The following AGBL1 variants were observed in gnomAD, a reference collection of about 807,000 sequenced individuals.
The protein encoded by AGBL1 is AGBL carboxypeptidase 1, also known as cytosolic carboxypeptidase 4.
Under a neutral mutation model 118.9 loss-of-function variants are expected in AGBL1, and 130 were observed. That is an observed-to-expected ratio of 1.09 (90% CI 0.95 to 1.26). The LOEUF is 1.26. Among genes scored for constraint, AGBL1 ranks in the 50% most tolerant of loss-of-function variants. The pLI, the probability that AGBL1 is intolerant of heterozygous loss-of-function variation, is 0.00. For synonymous variants in AGBL1, 555 were observed against 478.9 expected (o/e 1.16, Z -2.08); for missense variants, 1,584 against 1,298.1 (o/e 1.22, Z -3.38).
At chr15:86,311,476 T>C (rs1360032714) in intron 17 of AGBL1, among the ~76,000 whole-genome samples, 1 of 152,250 alleles carries the variant, frequency 6.6e-6, no homozygotes, top group Non-Finnish European at 1.5e-5. Context: ...CTGAAAAGAA[T>C]ACGCTTTCTT....
At chr15:86,703,331 T>A (rs2086392535) in intron 22 of AGBL1, among the ~76,000 whole-genome samples, 1 of 152,174 alleles carries the variant, frequency 6.6e-6, no homozygotes, top group South Asian at 2.1e-4. Context: ...GAGCTTGGAC[T>A]CTGGAGCCAT....
intron 21 of AGBL1, among the ~76,000 whole-genome samples, chr15:86,651,816 G>C: frequency 6.6e-6 from 1 of 152,130 alleles, no homozygotes; most frequent in South Asian, 2.1e-4. Context: ...CTGAATGTCT[G>C]ACAAAGTATT....
At chr15:86,136,911 C>T (rs988743047) in intron 1 of AGBL1, among the ~76,000 whole-genome samples, 12 of 152,266 alleles carry the variant, frequency 7.9e-5, no homozygotes, top group Middle Eastern at 6.8e-3. Flanking sequence ...CTCCAACTCC[C>T]TGAGTCTCCC....
intron 3 of AGBL1, among the ~76,000 whole-genome samples, chr15:86,147,028 A>G (rs1238802874): frequency 6.6e-6 from 1 of 152,180 alleles, no homozygotes; most frequent in Non-Finnish European, 1.5e-5. Context: ...GAAAATAAGT[A>G]TTTCTTTTTT....
intron 22 of AGBL1, among the ~76,000 whole-genome samples, chr15:86,868,069 T>C (rs765976362): frequency 3.9e-5 from 6 of 152,164 alleles, no homozygotes; most frequent in Non-Finnish European, 8.8e-5. Flanking sequence ...AAATAAGGAA[T>C]TATCAATGTG....
chr15:86,339,718 C>T (rs28819512), intron 17 of AGBL1, among the ~76,000 whole-genome samples: 5,155 of 152,204 alleles, frequency 0.034, 288 homozygotes, highest in African/African-American at 0.12. Context: ...CCTGTAATCC[C>T]AGCACTTTGG....
At chr15:86,547,639 C>T (rs1331774311) in intron 20 of AGBL1, among the ~76,000 whole-genome samples, 1 of 152,030 alleles carries the variant, frequency 6.6e-6, no homozygotes, top group Non-Finnish European at 1.5e-5. Flanking sequence ...GACAGGTATG[C>T]CAGTTTCTGC....
chr15:86,998,967 C>G (rs912072701), intron 24 of AGBL1, among the ~76,000 whole-genome samples: 7 of 151,006 alleles, frequency 4.6e-5, no homozygotes, highest in African/African-American at 1.7e-4. Flanking sequence ...CACTCATTAA[C>G]TCATCATTTA....
intron 1 of AGBL1, among the ~76,000 whole-genome samples, chr15:86,098,922 A>G (rs1345102678): frequency 1.3e-5 from 2 of 152,142 alleles, no homozygotes; most frequent in Admixed American, 6.5e-5. Context: ...TTTTAACAAT[A>G]TTAATTCTTC....
At chr15:86,581,993 A>G (rs1363734455) in intron 21 of AGBL1, among the ~76,000 whole-genome samples, 1 of 152,088 alleles carries the variant, frequency 6.6e-6, no homozygotes, top group South Asian at 2.1e-4. Context: ...AAGTTTCTCA[A>G]CCTCAGCACT....
chr15:86,396,261 A>C (rs938635259), intron 17 of AGBL1, among the ~76,000 whole-genome samples: 4 of 149,384 alleles, frequency 2.7e-5, no homozygotes, highest in African/African-American at 9.8e-5. Context: ...ATATATATAT[A>C]TACACACACA....
At chr15:86,236,397 A>G (rs569581251) in intron 6 of AGBL1, among the ~76,000 whole-genome samples, 2 of 151,734 alleles carry the variant, frequency 1.3e-5, no homozygotes, top group South Asian at 2.1e-4. Flanking sequence ...TTCTGCTTCA[A>G]TAAAATGCAT....
chr15:86,670,687 G>A (rs1476255408), intron 21 of AGBL1, among the ~76,000 whole-genome samples: 3 of 147,992 alleles, frequency 2.0e-5, no homozygotes, highest in Non-Finnish European at 3.0e-5. Context: ...AGTAAGAATA[G>A]TACATATATA....
chr15:86,236,015 G>C (rs937352493), intron 6 of AGBL1, among the ~76,000 whole-genome samples: 1 of 152,216 alleles, frequency 6.6e-6, no homozygotes, highest in Non-Finnish European at 1.5e-5. Context: ...ACTTGCCCGA[G>C]ATTGTGTAAT....
intron 22 of AGBL1, among the ~76,000 whole-genome samples, chr15:86,715,467 A>G (rs2086623545): frequency 6.7e-6 from 1 of 149,038 alleles, no homozygotes. Flanking sequence ...TTTAACTCAT[A>G]ACTGAACTGA....
chr15:86,140,896 A>G (rs1376933231), intron 1 of AGBL1, among the ~76,000 whole-genome samples: 1 of 152,202 alleles, frequency 6.6e-6, no homozygotes, highest in African/African-American at 2.4e-5. Context: ...AAGACATAAG[A>G]AGGACAAGAT....
chr15:86,120,642 G>T (rs1438987052), intron 1 of AGBL1, among the ~76,000 whole-genome samples: 1 of 152,134 alleles, frequency 6.6e-6, no homozygotes, highest in African/African-American at 2.4e-5. Flanking sequence ...GGCACAAATT[G>T]TTTCTCACTA....
chr15:86,364,958 C>CACACACATATATATATATATATATATAT (rs1474501613), intron 17 of AGBL1, among the ~76,000 whole-genome samples: 19 of 76,130 alleles, frequency 2.5e-4, no homozygotes, highest in South Asian at 4.5e-4. Context: ...ATATGTCACA[C>CACACACATATATATATATATATATATAT]ATATATATAT....
intron 7 of AGBL1, 25 bp from the exon 8 acceptor site, chr15:86,256,828 C>T (rs753791792): frequency 4.3e-6 from 7 of 1,612,104 alleles, no homozygotes; most frequent in African/African-American, 1.3e-5. Context: ...ATGTTGGCAT[C>T]TGATATAATC....
Sources: allele counts gnomAD v4.1 joint callset (sites outside exome capture counted in the v4.1 genomes callset), GRCh38; gene constraint gnomAD v4.1.1; transcripts MANE v1.5; gene names NCBI Gene and HGNC (gene_info 2026-07-23, HGNC 2026-07-21).